The following TMEM132D variants were observed in gnomAD, a reference collection of about 807,000 sequenced individuals.
TMEM132D encodes transmembrane protein 132D.
A neutral mutation model predicts 62.3 loss-of-function variants in TMEM132D; 21 were observed. That is an observed-to-expected ratio of 0.34 (90% CI 0.24 to 0.49). The LOEUF (loss-of-function observed/expected upper bound fraction) is 0.49. TMEM132D is among the 20% of genes least tolerant of loss of function. TMEM132D has a pLI of 0.99. For missense variants in TMEM132D, 1,346 were observed against 1,402.8 expected, an observed-to-expected ratio of 0.96 and a Z score of 0.65; for synonymous variants, 621 against 575.6, an observed-to-expected ratio of 1.08 and a Z score of -1.13.
chr12:129,346,703 G>C (rs559695782), intron 3 of TMEM132D, among the ~76,000 whole-genome samples: 3 of 152,246 alleles, frequency 2.0e-5, no homozygotes, highest in Non-Finnish European at 4.4e-5. Flanking sequence ...TGGAAGTTCT[G>C]GCCAGGGTAA....
chr12:129,218,590 T>C (rs770488096), intron 4 of TMEM132D, among the ~76,000 whole-genome samples: 1 of 152,232 alleles, frequency 6.6e-6, no homozygotes, highest in Non-Finnish European at 1.5e-5. Flanking sequence ...ACGCAGTTCA[T>C]TGTTGACCGA....
intron 2 of TMEM132D, among the ~76,000 whole-genome samples, chr12:129,532,223 G>A (rs1876249326): frequency 2.0e-5 from 3 of 152,174 alleles, no homozygotes; most frequent in Admixed American, 2.0e-4. Context: ...AGTACCAAGG[G>A]GAACCTGGAG....
rs545393702 is a variant in TMEM132D, at chr12:129,194,054, C to T, written c.1443+15466G>A. 3.3e-5 allele frequency among the ~76,000 whole-genome samples: 5 copies of T among 152,336 alleles called. No homozygotes were observed. The South Asian group carries it at 1.0e-3, about 32-fold the overall frequency. On this transcript the variant is annotated intron_variant, in intron 5 of 8. Transcript: ENST00000422113. ...GGTTAGGAAGCAATCATTTGCAATCCTCATGGTTTGCTTTCATTACCTACC... is the reference window on the plus strand; with the variant it reads ...GGTTAGGAAGCAATCATTTGCAATCTTCATGGTTTGCTTTCATTACCTACC...
At chr12:129,862,839 T>C (rs1873939016) in intron 1 of TMEM132D, among the ~76,000 whole-genome samples, 1 of 150,678 alleles carries the variant, frequency 6.6e-6, no homozygotes, top group Non-Finnish European at 1.5e-5. Flanking sequence ...AAAAGCTTGA[T>C]GTTTAAGAAG....
chr12:129,830,263 G>C (rs777213471), intron 1 of TMEM132D, among the ~76,000 whole-genome samples: 21 of 152,076 alleles, frequency 1.4e-4, no homozygotes, highest in Admixed American at 5.2e-4. Context: ...GAGAGAAAGA[G>C]AGACGATAGA....
chr12:129,282,466 A>T (rs1881183420), intron 4 of TMEM132D, among the ~76,000 whole-genome samples: 1 of 152,178 alleles, frequency 6.6e-6, no homozygotes, highest in Non-Finnish European at 1.5e-5. Flanking sequence ...TGTAGATGGC[A>T]CAGATCTGAG....
intron 3 of TMEM132D, among the ~76,000 whole-genome samples, chr12:129,455,495 T>C (rs979314229): frequency 1.3e-5 from 2 of 152,208 alleles, no homozygotes; most frequent in African/African-American, 2.4e-5. Context: ...GTGATTATAA[T>C]GCAATTTGAT....
intron 3 of TMEM132D, among the ~76,000 whole-genome samples, chr12:129,426,797 A>G (rs139322808): frequency 6.6e-6 from 1 of 152,250 alleles, no homozygotes; most frequent in Non-Finnish European, 1.5e-5. Flanking sequence ...CGAGGCACAG[A>G]GAAGTAATTC....
At chr12:129,321,253 T>C (rs1468505725) in intron 4 of TMEM132D, among the ~76,000 whole-genome samples, 5 of 152,144 alleles carry the variant, frequency 3.3e-5, no homozygotes, top group African/African-American at 1.2e-4. Context: ...TTTTAAAACA[T>C]ATTATCACTG....
rs201115960 is a variant in TMEM132D at position 129,185,695 on chromosome 12, TTATC to T, written c.1443+23821_1443+23824del. Reference sequence around the variant, plus strand: ...AATGTTAAAGTTTTATGTCCATATCTTATCTATCTGTCTGTCTGTCTCTATCTAT... The same window carrying T: ...AATGTTAAAGTTTTATGTCCATATCTTATCTGTCTGTCTGTCTCTATCTAT... On this transcript the variant is annotated intron_variant, in intron 5 of 8. Coordinates refer to ENST00000422113, the MANE Select transcript of TMEM132D (RefSeq NM_133448.3). 6.9e-3 allele frequency among the ~76,000 whole-genome samples: 1,051 copies of T among 151,850 alleles called. 8 individuals carry two copies. Among genetic ancestry groups the T allele is most frequent in the Middle Eastern group, 0.014 (4 of 294 alleles).
At chr12:129,662,401 T>G (rs1880259115) in intron 2 of TMEM132D, among the ~76,000 whole-genome samples, 2 of 152,192 alleles carry the variant, frequency 1.3e-5, no homozygotes, top group African/African-American at 4.8e-5. Context: ...CATGCCAGCC[T>G]TCTTACTCAC....
chr12:129,815,633 AT>A (rs1411521973), intron 1 of TMEM132D, among the ~76,000 whole-genome samples: 6 of 152,098 alleles, frequency 3.9e-5, no homozygotes, highest in Non-Finnish European at 8.8e-5. Flanking sequence ...CAAGGACTTA[AT>A]TTTTCTTTAT....
intron 3 of TMEM132D, among the ~76,000 whole-genome samples, chr12:129,428,246 G>A (rs953908064): frequency 1.3e-5 from 2 of 152,172 alleles, no homozygotes; most frequent in African/African-American, 4.8e-5. Context: ...GGATAATTCA[G>A]CATCCAGGTG....
intron 3 of TMEM132D, among the ~76,000 whole-genome samples, chr12:129,477,493 T>A (rs369191630): frequency 2.6e-5 from 4 of 152,158 alleles, no homozygotes; most frequent in African/African-American, 9.7e-5. Context: ...AACCTTGGTT[T>A]TAAGGCCTAA....
intron 1 of TMEM132D, among the ~76,000 whole-genome samples, chr12:129,821,937 G>C (rs1482488406): frequency 6.6e-6 from 1 of 152,188 alleles, no homozygotes; most frequent in Non-Finnish European, 1.5e-5. Context: ...CTTTGTTGAA[G>C]AAATATTTTT....
At chr12:129,805,294 C>A (rs1185585617) in intron 1 of TMEM132D, among the ~76,000 whole-genome samples, 1 of 152,062 alleles carries the variant, frequency 6.6e-6, no homozygotes, top group Non-Finnish European at 1.5e-5. Context: ...TCAAACTATA[C>A]TACAAGGCTA....
At chr12:129,497,997 G>T (rs1875011239) in intron 3 of TMEM132D, among the ~76,000 whole-genome samples, 1 of 152,038 alleles carries the variant, frequency 6.6e-6, no homozygotes, top group Non-Finnish European at 1.5e-5. Context: ...ACAAAATACT[G>T]ACACATTTCC....
intron 1 of TMEM132D, among the ~76,000 whole-genome samples, chr12:129,763,777 T>C (rs1168736330): frequency 6.6e-6 from 1 of 151,964 alleles, no homozygotes; most frequent in Non-Finnish European, 1.5e-5. Flanking sequence ...GTAAACTGAG[T>C]GTGCCCAGAT....
intron 5 of TMEM132D, among the ~76,000 whole-genome samples, chr12:129,192,985 C>A (rs1379475007): frequency 6.6e-6 from 1 of 151,992 alleles, no homozygotes; most frequent in African/African-American, 2.4e-5. Flanking sequence ...AGTGAAACCC[C>A]ATTTCTACTA....
Sources: allele counts gnomAD v4.1 joint callset (sites outside exome capture counted in the v4.1 genomes callset), GRCh38; gene constraint gnomAD v4.1.1; transcripts MANE v1.5; gene names NCBI Gene and HGNC (gene_info 2026-07-23, HGNC 2026-07-21).